UNC119B: variants seen among roughly 807,000 people sequenced by gnomAD.
UNC119B encodes unc-119 lipid binding chaperone B.
Under a neutral mutation model 23.4 loss-of-function variants are expected in UNC119B, and 16 were observed. The observed-to-expected ratio is 0.68, with a 90% CI of 0.46 to 1.04. The LOEUF (loss-of-function observed/expected upper bound fraction) is 1.04, where lower values mean the gene tolerates loss of function less well. Ranked by LOEUF, UNC119B falls within the 50% of genes least tolerant of loss-of-function variation. The pLI is 0.00. For missense variants in UNC119B, 350 were observed against 361.3 expected (o/e 0.97, Z 0.25); for synonymous variants, 144 against 145.4 (o/e 0.99, Z 0.07).
chr12:120,714,158 AGT>A (rs1026657182), intron 2 of UNC119B, among the ~76,000 whole-genome samples: 24 of 152,282 alleles, frequency 1.6e-4, no homozygotes, highest in African/African-American at 5.8e-4. Context: ...CTTACTTTGC[AGT>A]GTTTCTCATC....
At chr12:120,716,178 C>T (rs1205652051) in intron 2 of UNC119B, among the ~76,000 whole-genome samples, 1 of 152,220 alleles carries the variant, frequency 6.6e-6, no homozygotes, top group East Asian at 1.9e-4. Flanking sequence ...TAACTGCAGA[C>T]CTAGTCTGAA....
chr12:120,716,590 T>C (rs779872389), intron 2 of UNC119B, 38 bp from the exon 3 acceptor site: 2 of 1,607,980 alleles, frequency 1.2e-6, no homozygotes, highest in Non-Finnish European at 1.7e-6. Context: ...ATTGAGAATG[T>C]CGAGATGGTG....
At position 120,721,808 on chromosome 12, in the gene UNC119B, G is replaced by A. The variant is rs76659878; in HGVS notation, c.*1776G>A. On this transcript the variant is annotated 3_prime_UTR_variant, in exon 5 of 5. Coordinates refer to ENST00000344651, the MANE Select transcript of UNC119B (RefSeq NM_001080533.3). The stretch of plus-strand genomic sequence containing the variant: ...TCCACTGTAAATCCAGGTGCCTTAC[G>A]TGTGGCTCTGTCCCTTATGCTGCAG... 2,599 of 152,800 alleles carry A rather than the reference G, an allele frequency of 0.017. 38 individuals are homozygous for A. The highest frequency in any genetic ancestry group is 0.064 in the South Asian group (308 of 4,816). The allele number at this position is 152,800 out of a possible 1,614,324, so 9.5% of individuals were successfully genotyped here.
Position 120,710,718 on chromosome 12 carries a change from A to G in UNC119B, c.244A>G (p.Asn82Asp). 1 of 1,399,334 alleles carries G rather than the reference A, an allele frequency of 7.1e-7. No individual in the cohort carries two copies. Among genetic ancestry groups the G allele is most frequent in the Non-Finnish European group, 9.3e-7 (1 of 1,080,000 alleles). The allele number at this position is 1,399,334 out of a possible 1,614,324, so 86.7% of individuals were successfully genotyped here. ...HVLRLSRVTE[N>D]YLCKPEDNIY... ...CCTGCGCCTCAGCCGGGTCACCGAG[A>G]GTGAGTGCCGCGCGGGCCGCGCCCT... Residue 82 changes from asparagine (N) to aspartate (D), a missense_variant and splice_region_variant, in exon 1 of 5, where the codon AAT (asparagine) becomes GAT (aspartate). Physicochemically the swap from Asn to Asp is conservative, Grantham distance 23. Coordinates refer to ENST00000344651, the MANE Select transcript of UNC119B (RefSeq NM_001080533.3).
At chr12:120,719,338 A>T (rs988323174) in intron 4 of UNC119B, among the ~76,000 whole-genome samples, 4 of 152,250 alleles carry the variant, frequency 2.6e-5, no homozygotes, top group Admixed American at 6.5e-5. Flanking sequence ...TTTACTTTAG[A>T]TCCCAAGACA....
chr12:120,714,765 G>C (rs1457085233), intron 2 of UNC119B, among the ~76,000 whole-genome samples: 1 of 118,750 alleles, frequency 8.4e-6, no homozygotes, highest in Non-Finnish European at 1.8e-5. Flanking sequence ...ATTTGGATTA[G>C]ACTCAAGAGT....
At position 120,719,925 on chromosome 12, in the gene UNC119B, C is replaced by G. The variant is rs757599618; in HGVS notation, c.649C>G (p.Leu217Val). ...FPQLSEDVIR[L>V]MIENPYETRS... The stretch of plus-strand genomic sequence containing the variant: ...CCCCTTTGCCTGACTTGCAGTTCGT[C>G]TAATGATTGAAAATCCTTACGAGAC... The change falls in exon 5 of 5, where the codon CTA (leucine) becomes GTA (valine). Residue 217 changes from leucine (L) to valine (V), a missense_variant. Physicochemically the swap from Leu to Val is conservative, Grantham distance 32 (BLOSUM62 1). Coordinates refer to ENST00000344651, the MANE Select transcript of UNC119B (RefSeq NM_001080533.3). The G allele has an allele frequency of 1.2e-6, 2 of 1,613,004 alleles. No homozygotes were observed. The highest frequency in any genetic ancestry group is 1.7e-6 in the Non-Finnish European group (2 of 1,179,000).
In UNC119B at chr12:120,717,048, T is replaced by C; in HGVS notation, c.643+6T>C. On this transcript the variant is annotated splice_donor_region_variant and intron_variant, in intron 4 of 4. Coordinates refer to ENST00000344651, the MANE Select transcript of UNC119B (RefSeq NM_001080533.3). ...CCAGCTTTCGGAGGATGTCAGTATG[T>C]ATCCCCTGACCCTTACAGCACTCTA... 1.3e-6 allele frequency: 2 copies of C among 1,581,076 alleles called. No individual in the cohort carries two copies. The highest frequency in any genetic ancestry group is 1.7e-6 in the Non-Finnish European group (2 of 1,162,738).
chr12:120,717,904 T>A (rs1372743486), intron 4 of UNC119B, among the ~76,000 whole-genome samples: 1 of 146,342 alleles, frequency 6.8e-6, no homozygotes, highest in Non-Finnish European at 1.5e-5. Context: ...GGAGTCTTGA[T>A]CTTGTCACCC....
Position 120,713,273 on chromosome 12 carries a change from G to T in UNC119B, c.245-1G>T. 2 of 1,598,566 alleles carry T rather than the reference G, an allele frequency of 1.3e-6. No homozygotes were observed. The highest frequency in any genetic ancestry group is 2.2e-5 in the East Asian group (1 of 44,716). On this transcript the variant is annotated splice_acceptor_variant, in intron 1 of 4. Coordinates refer to ENST00000344651, the MANE Select transcript of UNC119B (RefSeq NM_001080533.3). LOFTEE classifies it high-confidence loss of function. Reference sequence around the variant, plus strand: ...TGTTGGTTTCTCTCTCTTGTTTTCAGATTATTTATGTAAACCCGAAGACAA... The same window carrying T: ...TGTTGGTTTCTCTCTCTTGTTTTCATATTATTTATGTAAACCCGAAGACAA...
Position 120,720,686 on chromosome 12 carries a change from A to G in UNC119B, c.*654A>G, listed in dbSNP as rs575130212. On this transcript the variant is annotated 3_prime_UTR_variant, in exon 5 of 5. Coordinates refer to ENST00000344651, the MANE Select transcript of UNC119B (RefSeq NM_001080533.3). The stretch of plus-strand genomic sequence containing the variant: ...AGGGTCTCAGCCAGCCCTCCTGGGA[A>G]TAGACCAAGTTTTCAGCCTGGCAGT... 6.6e-6 allele frequency: 1 copy of G among 152,244 alleles called. No individual in the cohort carries two copies. The highest frequency in any genetic ancestry group is 1.5e-5 in the Non-Finnish European group (1 of 68,024). The allele number at this position is 152,244 out of a possible 1,614,324, so 9.4% of individuals were successfully genotyped here. A position where few individuals can be genotyped will look rare whatever the true frequency, so the allele number is the denominator to read the frequency against.
intron 2 of UNC119B, 58 bp from the exon 3 acceptor site, chr12:120,716,570 G>T: frequency 6.3e-7 from 1 of 1,583,756 alleles, no homozygotes; most frequent in South Asian, 1.1e-5. Flanking sequence ...ACTGGTGATA[G>T]AACTCTTGGA....
Position 120,710,583 on chromosome 12 carries a change from C to T in UNC119B, c.109C>T (p.Arg37Cys), listed in dbSNP as rs781389340. Residue 37 changes from arginine to cysteine, a missense_variant, in exon 1 of 5, where the codon CGC becomes TGC. By Grantham distance (180) the Arg-to-Cys change is radical (BLOSUM62 -3). Transcript: ENST00000344651. ...KKKAGGGVLN[R>C]LKARRQAPHH... ...GAAGGCGGGCGGCGGCGTCCTGAACCGCCTGAAGGCGCGGCGGCAGGCGCC... is the reference window on the plus strand; with the variant it reads ...GAAGGCGGGCGGCGGCGTCCTGAACTGCCTGAAGGCGCGGCGGCAGGCGCC... 4.2e-6 allele frequency: 6 copies of T among 1,421,946 alleles called. No homozygotes were observed. Among genetic ancestry groups the T allele is most frequent in the South Asian group, 1.4e-5 (1 of 69,790 alleles). 88.1% of individuals were successfully genotyped at this position (1,421,946 alleles called of 1,614,324 possible). A position where few individuals can be genotyped will look rare whatever the true frequency, so the allele number is the denominator to read the frequency against.
chr12:120,712,732 T>C (rs2136929138), intron 1 of UNC119B, among the ~76,000 whole-genome samples: 1 of 152,366 alleles, frequency 6.6e-6, no homozygotes, highest in East Asian at 1.9e-4. Flanking sequence ...TTCATTTGCG[T>C]ATTGTCTGTG....
At chr12:120,718,255 A>G (rs1269744821) in intron 4 of UNC119B, among the ~76,000 whole-genome samples, 9 of 152,280 alleles carry the variant, frequency 5.9e-5, no homozygotes, top group Non-Finnish European at 1.2e-4. Flanking sequence ...GAGGCCTGTG[A>G]CCATCCCTGG....
chr12:120,717,058 C>A lies in UNC119B; in HGVS notation c.643+16C>A. Reference sequence around the variant, plus strand: ...GAGGATGTCAGTATGTATCCCCTGACCCTTACAGCACTCTAGATTCTGAGG... The same window carrying A: ...GAGGATGTCAGTATGTATCCCCTGAACCTTACAGCACTCTAGATTCTGAGG... On this transcript the variant is annotated intron_variant, in intron 4 of 4. Coordinates refer to ENST00000344651, the MANE Select transcript of UNC119B (RefSeq NM_001080533.3). 1 of 1,562,252 alleles carries A rather than the reference C, an allele frequency of 6.4e-7. No homozygotes were observed. The highest frequency in any genetic ancestry group is 8.7e-7 in the Non-Finnish European group (1 of 1,153,744).
chr12:120,715,841 C>G (rs1882770078), intron 2 of UNC119B, among the ~76,000 whole-genome samples: 1 of 152,248 alleles, frequency 6.6e-6, no homozygotes, highest in Admixed American at 6.5e-5. Context: ...CCCTCTGATT[C>G]ATTTTACAAA....
intron 2 of UNC119B, 127 bp from the exon 3 acceptor site, chr12:120,716,501 C>T: frequency 1.0e-6 from 1 of 967,400 alleles, no homozygotes; most frequent in Non-Finnish European, 1.7e-6. Flanking sequence ...GCGCAGTAAA[C>T]ACTGGCCATT....
rs1298378156 is a variant in UNC119B at position 120,719,855 on chromosome 12, T to G, written c.644-65T>G. ...AGGGGATGCAAAGTTTTCTCCCACC[T>G]ACCCTGTGGGGCAGACTCAAACATA... On this transcript the variant is annotated intron_variant, in intron 4 of 4. Coordinates refer to ENST00000344651, the MANE Select transcript of UNC119B (RefSeq NM_001080533.3). 4.2e-6 allele frequency: 5 copies of G among 1,186,434 alleles called. No individual in the cohort carries two copies. The African/African-American group carries it at 6.0e-5, about 14-fold the overall frequency. The allele number at this position is 1,186,434 out of a possible 1,614,324, so 73.5% of individuals were successfully genotyped here. A position where few individuals can be genotyped will look rare whatever the true frequency, so the allele number is the denominator to read the frequency against.
Sources: allele counts gnomAD v4.1 joint callset (sites outside exome capture counted in the v4.1 genomes callset), GRCh38; gene constraint gnomAD v4.1.1; transcripts MANE v1.5; gene names NCBI Gene and HGNC (gene_info 2026-07-23, HGNC 2026-07-21).